Variants in LRP1B observed in about 807,000 individuals in gnomAD.
LRP1B encodes low-density lipoprotein receptor-related protein 1B.
LRP1B carries 217 observed loss-of-function variants against 556.6 expected under a neutral mutation model. The observed-to-expected ratio is 0.39, with a 90% CI of 0.35 to 0.44. LRP1B has a LOEUF of 0.44. Ranked by LOEUF, LRP1B falls within the 20% of genes least tolerant of loss-of-function variation. The pLI, the probability that LRP1B is intolerant of heterozygous loss-of-function variation, is 1.00. For missense variants in LRP1B, 5,053 were observed against 5,620.8 expected (o/e 0.90, Z 3.23); for synonymous variants, 2,047 against 1,865.8 (o/e 1.10, Z -2.50).
chr2:140,609,043 G>C (rs1282606493), intron 41 of LRP1B, among the ~76,000 whole-genome samples: 3 of 152,138 alleles, frequency 2.0e-5, no homozygotes, highest in African/African-American at 7.2e-5. Context: ...TGATATCATT[G>C]TGTCAGTCCT....
chr2:140,968,085 G>A (rs915752325), intron 18 of LRP1B, among the ~76,000 whole-genome samples: 1 of 147,934 alleles, frequency 6.8e-6, no homozygotes, highest in African/African-American at 2.5e-5. Flanking sequence ...CTATTGATTG[G>A]AATAGTTTCA....
intron 1 of LRP1B, among the ~76,000 whole-genome samples, chr2:142,022,675 T>C (rs1348329927): frequency 1.3e-5 from 2 of 152,054 alleles, no homozygotes; most frequent in African/African-American, 2.4e-5. Flanking sequence ...ATTTTATTTA[T>C]TTATTTATTT....
At chr2:140,540,473 C>T (rs1417200293) in intron 45 of LRP1B, among the ~76,000 whole-genome samples, 1 of 152,040 alleles carries the variant, frequency 6.6e-6, no homozygotes. Flanking sequence ...GAGGTATAAA[C>T]ACCATGCAAG....
chr2:141,890,368 T>C (rs1196448013), intron 1 of LRP1B, among the ~76,000 whole-genome samples: 1 of 107,172 alleles, frequency 9.3e-6, no homozygotes, highest in East Asian at 2.7e-4. Context: ...TGCATATATA[T>C]ATATAGTGTG....
chr2:141,082,634 A>G (rs959696550), intron 7 of LRP1B, among the ~76,000 whole-genome samples: 1 of 152,218 alleles, frequency 6.6e-6, no homozygotes, highest in Middle Eastern at 3.2e-3. Context: ...GAGCTTTTAG[A>G]AAGCTGTAAT....
chr2:140,799,964 C>T (rs751350522), intron 32 of LRP1B, among the ~76,000 whole-genome samples: 2 of 152,008 alleles, frequency 1.3e-5, no homozygotes, highest in African/African-American at 2.4e-5. Flanking sequence ...GAGGCATTGC[C>T]TCAGCCAGGA....
intron 1 of LRP1B, among the ~76,000 whole-genome samples, chr2:141,946,613 C>A (rs1700961760): frequency 6.6e-6 from 1 of 152,172 alleles, no homozygotes; most frequent in Middle Eastern, 3.4e-3. Context: ...GAAGGGGCTG[C>A]TAAACTGGTA....
chr2:141,234,008 GA>G (rs1558950229), intron 5 of LRP1B, among the ~76,000 whole-genome samples: 1 of 151,902 alleles, frequency 6.6e-6, no homozygotes, highest in Non-Finnish European at 1.5e-5. Flanking sequence ...AGTCATAGAT[GA>G]AAAAAATCCC....
At chr2:140,616,005 C>G (rs957935418) in intron 41 of LRP1B, among the ~76,000 whole-genome samples, 1 of 151,726 alleles carries the variant, frequency 6.6e-6, no homozygotes, top group South Asian at 2.1e-4. Flanking sequence ...CCCTAATACT[C>G]AAAAATAATT....
At chr2:140,398,346 C>A (rs1018476084) in intron 66 of LRP1B, among the ~76,000 whole-genome samples, 1 of 152,026 alleles carries the variant, frequency 6.6e-6, no homozygotes, top group African/African-American at 2.4e-5. Context: ...ACACACATAT[C>A]CAGTATGAAT....
intron 1 of LRP1B, among the ~76,000 whole-genome samples, chr2:141,889,202 A>T (rs1010220510): frequency 5.9e-5 from 9 of 152,092 alleles, no homozygotes; most frequent in Non-Finnish European, 1.0e-4. Context: ...ATATTTTTTA[A>T]AAAAACTGTA....
Position 141,517,029 on chromosome 2 carries a change from A to AAACAAAAAAAC in LRP1B, c.206-36497_206-36496insGTTTTTTTGTT, listed in dbSNP as rs1553526098. On this transcript the variant is annotated intron_variant, in intron 2 of 90. Coordinates refer to ENST00000389484, the MANE Select transcript of LRP1B (RefSeq NM_018557.3). ...TAAAAAAAAAAAAAAAAAAAAAAAA[A>AAACAAAAAAAC]AAAGTAAATCAATGAAATAATTTAA... Among the ~76,000 whole-genome samples the AAACAAAAAAAC allele has an allele frequency of 4.4e-5, 4 of 90,192 alleles. 1 individual carries two copies. The South Asian group carries it at 1.3e-3, about 29-fold the overall frequency. 59.2% of individuals were successfully genotyped at this position (90,192 alleles called of 152,430 possible). A position where few individuals can be genotyped will look rare whatever the true frequency, so the allele number is the denominator to read the frequency against.
At chr2:141,634,968 T>C (rs1374784968) in intron 2 of LRP1B, among the ~76,000 whole-genome samples, 1 of 151,818 alleles carries the variant, frequency 6.6e-6, no homozygotes, top group Non-Finnish European at 1.5e-5. Flanking sequence ...CAGTTGAAGG[T>C]ATCCCTAAGG....
intron 2 of LRP1B, among the ~76,000 whole-genome samples, chr2:141,586,363 T>C (rs1687136495): frequency 6.6e-6 from 1 of 152,180 alleles, no homozygotes; most frequent in Non-Finnish European, 1.5e-5. Context: ...TACTTAGCTT[T>C]TTTTATTTTG....
At chr2:141,180,347 TA>T (rs3063854) in intron 7 of LRP1B, among the ~76,000 whole-genome samples, 5,304 of 147,148 alleles carry the variant, frequency 0.036, 129 homozygotes, top group African/African-American at 0.069. Flanking sequence ...TAGAACTCCA[TA>T]AAAAAAAAAA....
chr2:140,409,150 GC>G, intron 66 of LRP1B, among the ~76,000 whole-genome samples: 1 of 151,936 alleles, frequency 6.6e-6, no homozygotes, highest in Non-Finnish European at 1.5e-5. Context: ...TCTTGGAACT[GC>G]CATGATGAAT....
chr2:141,820,465 C>T (rs1245047321), intron 1 of LRP1B, among the ~76,000 whole-genome samples: 1 of 152,034 alleles, frequency 6.6e-6, no homozygotes, highest in Non-Finnish European at 1.5e-5. Flanking sequence ...GAAAAATAAA[C>T]CCTATTAGAC....
At chr2:140,360,016 T>C (rs1682433162) in intron 72 of LRP1B, among the ~76,000 whole-genome samples, 1 of 151,640 alleles carries the variant, frequency 6.6e-6, no homozygotes, top group African/African-American at 2.4e-5. Context: ...CAAAATAGTT[T>C]AGCTGTTTAT....
chr2:140,412,721 T>C (rs1392523541), intron 66 of LRP1B, among the ~76,000 whole-genome samples: 2 of 152,108 alleles, frequency 1.3e-5, no homozygotes, highest in African/African-American at 4.8e-5. Flanking sequence ...TGGAGGTTCA[T>C]ACACACTTAA....
Sources: allele counts gnomAD v4.1 joint callset (sites outside exome capture counted in the v4.1 genomes callset), GRCh38; gene constraint gnomAD v4.1.1; transcripts MANE v1.5; gene names NCBI Gene and HGNC (gene_info 2026-07-23, HGNC 2026-07-21).